The following LY86 variants were observed in gnomAD, a reference collection of about 807,000 sequenced individuals.
The protein encoded by LY86 is lymphocyte antigen 86, also known as MD-1, RP105-associated.
Under a neutral mutation model 17.3 loss-of-function variants are expected in LY86, and 20 were observed. The ratio of observed to expected loss-of-function variants is 1.15; its 90% confidence interval spans 0.81 to 1.68. The LOEUF is 1.68. LY86 is among the 40% of genes most tolerant of loss of function. LY86 has a pLI of 0.00. For missense variants in LY86, 200 were observed against 191.9 expected (o/e 1.04, Z -0.25); for synonymous variants, 74 against 70.6 (o/e 1.05, Z -0.24).
chr6:6,630,494 G>A (rs559473009), intron 3 of LY86, among the ~76,000 whole-genome samples: 1 of 152,326 alleles, frequency 6.6e-6, no homozygotes, highest in East Asian at 1.9e-4. Flanking sequence ...ATTTGCTTTA[G>A]TTGATTGCCA....
chr6:6,649,491 A>ACGCCGT, intron 3 of LY86, 134 bp from the exon 4 acceptor site: 2 of 471,374 alleles, frequency 4.2e-6, no homozygotes, highest in Non-Finnish European at 3.7e-6. Flanking sequence ...CAGGAAATGA[A>ACGCCGT]AACATTTCTA....
chr6:6,643,400 T>C (rs780322700), intron 3 of LY86, among the ~76,000 whole-genome samples: 8 of 152,210 alleles, frequency 5.3e-5, no homozygotes, highest in Admixed American at 1.3e-4. Context: ...TTATGCTAAA[T>C]GAAATAAGGC....
Position 6,598,316 on chromosome 6 carries a change from A to G in LY86, c.136+9446A>G, listed in dbSNP as rs369174495. Among the ~76,000 whole-genome samples, 113 of 152,314 alleles carry G rather than the reference A, an allele frequency of 7.4e-4. No individual in the cohort carries two copies. In the South Asian group the frequency reaches 0.02, roughly 27 times the overall value. On this transcript the variant is annotated intron_variant, in intron 1 of 4. Transcript: ENST00000230568. The stretch of plus-strand genomic sequence containing the variant: ...TCATTTTTTTTCTTAACCTCATTTC[A>G]AAATACTGATACCATGAGTTTACAT...
chr6:6,596,724 G>A (rs186659941), intron 1 of LY86, among the ~76,000 whole-genome samples: 4 of 152,248 alleles, frequency 2.6e-5, no homozygotes, highest in Non-Finnish European at 4.4e-5. Context: ...GAAAGTGAAC[G>A]CTGCCAGAAG....
At chr6:6,602,702 T>C (rs189581124) in intron 1 of LY86, among the ~76,000 whole-genome samples, 14 of 152,214 alleles carry the variant, frequency 9.2e-5, no homozygotes, top group African/African-American at 3.4e-4. Flanking sequence ...AAACATGCCT[T>C]AGAGATGTCA....
chr6:6,635,292 T>C (rs1761945241), intron 3 of LY86, among the ~76,000 whole-genome samples: 1 of 152,208 alleles, frequency 6.6e-6, no homozygotes, highest in South Asian at 2.1e-4. Flanking sequence ...TATATACATA[T>C]ACCTATGATA....
At chr6:6,654,454 C>A (rs1240141697) in intron 4 of LY86, 90 bp from the exon 5 acceptor site, 3 of 957,008 alleles carry the variant, frequency 3.1e-6, no homozygotes, top group Admixed American at 4.0e-5. Flanking sequence ...GAACAGCACC[C>A]AGCACATAAA....
At chr6:6,592,921 G>A (rs944085650) in intron 1 of LY86, among the ~76,000 whole-genome samples, 1 of 152,234 alleles carries the variant, frequency 6.6e-6, no homozygotes, top group African/African-American at 2.4e-5. Context: ...GAGAGGTTAG[G>A]ACACATGTAA....
At chr6:6,640,458 C>T (rs1317591515) in intron 3 of LY86, among the ~76,000 whole-genome samples, 3 of 151,304 alleles carry the variant, frequency 2.0e-5, no homozygotes, top group African/African-American at 7.3e-5. Context: ...AGTGGCTATG[C>T]CTCTCATCCC....
intron 3 of LY86, 40 bp from the exon 4 acceptor site, chr6:6,649,585 T>A (rs1402482588): frequency 8.0e-7 from 1 of 1,256,250 alleles, no homozygotes; most frequent in Non-Finnish European, 1.1e-6. Context: ...TTTTTTTAAA[T>A]GATTGAATAA....
At chr6:6,617,441 A>G (rs2113129689) in intron 1 of LY86, among the ~76,000 whole-genome samples, 1 of 152,350 alleles carries the variant, frequency 6.6e-6, no homozygotes, top group South Asian at 2.1e-4. Context: ...AATGTTGATG[A>G]TAATGAGACT....
intron 1 of LY86, among the ~76,000 whole-genome samples, chr6:6,622,133 C>A (rs1460117222): frequency 1.3e-5 from 2 of 152,228 alleles, no homozygotes; most frequent in Non-Finnish European, 2.9e-5. Context: ...TACATATCCT[C>A]AGAGAGATGC....
At chr6:6,605,868 C>A (rs1002918035) in intron 1 of LY86, among the ~76,000 whole-genome samples, 1 of 150,486 alleles carries the variant, frequency 6.6e-6, no homozygotes, top group South Asian at 2.1e-4. Context: ...GCATCTGGAG[C>A]TCTTCGTTTC....
chr6:6,599,402 T>A (rs143926410), intron 1 of LY86, among the ~76,000 whole-genome samples: 14 of 152,300 alleles, frequency 9.2e-5, no homozygotes, highest in African/African-American at 3.1e-4. Flanking sequence ...ATTCCATCAG[T>A]GCAGTCGTAG....
chr6:6,621,500 A>G (rs1324577136), intron 1 of LY86: 1 of 152,256 alleles, frequency 6.6e-6, no homozygotes, highest in Non-Finnish European at 1.5e-5. Context: ...TATTTAAAGC[A>G]GTGATCGCCA....
intron 1 of LY86, among the ~76,000 whole-genome samples, chr6:6,613,468 G>C (rs1377315373): frequency 6.6e-6 from 1 of 152,188 alleles, no homozygotes; most frequent in Non-Finnish European, 1.5e-5. Context: ...GTGAGAAATC[G>C]AGCACAGCAG....
At chr6:6,624,812 A>T (rs1245986579) in intron 1 of LY86, 114 bp from the exon 2 acceptor site, 11 of 614,344 alleles carry the variant, frequency 1.8e-5, no homozygotes, top group Non-Finnish European at 3.2e-5. Flanking sequence ...GTTGGGCAAT[A>T]TGCTTTTGAA....
chr6:6,613,022 G>A (rs1193517257), intron 1 of LY86, among the ~76,000 whole-genome samples: 3 of 152,036 alleles, frequency 2.0e-5, no homozygotes, highest in African/African-American at 4.8e-5. Flanking sequence ...GCTGATTGGT[G>A]TATTTACAAT....
intron 3 of LY86, among the ~76,000 whole-genome samples, chr6:6,629,075 G>A (rs2113144634): frequency 6.6e-6 from 1 of 152,290 alleles, no homozygotes; most frequent in East Asian, 1.9e-4. Flanking sequence ...AGCTCAAAAG[G>A]CTGACATTTG....
Sources: allele counts gnomAD v4.1 joint callset (sites outside exome capture counted in the v4.1 genomes callset), GRCh38; gene constraint gnomAD v4.1.1; transcripts MANE v1.5; gene names NCBI Gene and HGNC (gene_info 2026-07-23, HGNC 2026-07-21).